Variants in FKBP4 observed in about 807,000 individuals in gnomAD.
FKBP4 encodes FKBP prolyl isomerase 4.
Under a neutral mutation model 54.1 loss-of-function variants are expected in FKBP4, and 28 were observed. That is an observed-to-expected ratio of 0.52 (90% CI 0.38 to 0.71). FKBP4 has a LOEUF of 0.71. Ranked by LOEUF, FKBP4 falls within the 30% of genes least tolerant of loss-of-function variation. The pLI is 0.00. For synonymous variants in FKBP4, 223 were observed against 216.1 expected, an observed-to-expected ratio of 1.03 and a Z score of -0.28; for missense variants, 493 against 574.4, an observed-to-expected ratio of 0.86 and a Z score of 1.45.
At position 2,795,022 on chromosome 12, in the gene FKBP4, C is replaced by A; in HGVS notation, c.-118C>A. ...GAGGTGCTCAAGCCTCCTCGCGGTC[C>A]GCAGTCAGTGCCGCCGCGCCCGGCC... On this transcript the variant is annotated 5_prime_UTR_variant, in exon 1 of 10. Transcript: ENST00000001008. The surrounding 1 kb of genome is among the most constrained non-coding windows in gnomAD (Gnocchi z 4.3). 1 of 469,238 alleles carries A rather than the reference C, an allele frequency of 2.1e-6. No individual in the cohort carries two copies. The highest frequency in any genetic ancestry group is 3.3e-6 in the Non-Finnish European group (1 of 304,612). 29.1% of individuals were successfully genotyped at this position (469,238 alleles called of 1,614,324 possible). A position where few individuals can be genotyped will look rare whatever the true frequency, so the allele number is the denominator to read the frequency against.
At chr12:2,801,723 C>A in intron 9 of FKBP4, 1 of 383,274 alleles carries the variant, frequency 2.6e-6, no homozygotes, top group Non-Finnish European at 5.1e-6. Context: ...CACTGCACCC[C>A]AGCCTGAGTG....
intron 9 of FKBP4, chr12:2,801,854 C>T (rs986787943): frequency 7.1e-6 from 2 of 280,916 alleles, no homozygotes; most frequent in East Asian, 9.3e-5. Flanking sequence ...CTGCCTCCCC[C>T]ACCAGAAGCA....
In FKBP4 at chr12:2,805,186, A is replaced by G. The variant is rs753181144; in HGVS notation, c.*1928A>G. 4.4e-6 allele frequency: 2 copies of G among 456,084 alleles called. No individual in the cohort carries two copies. The highest frequency in any genetic ancestry group is 3.1e-5 in the South Asian group (2 of 64,564). 28.3% of individuals were successfully genotyped at this position (456,084 alleles called of 1,614,324 possible). A position where few individuals can be genotyped will look rare whatever the true frequency, so the allele number is the denominator to read the frequency against. ...TTTACAGATAAGAAAACCAAGACTCAGAAGTTAAATGGAAAGGTGAGGTCT... is the reference window on the plus strand; with the variant it reads ...TTTACAGATAAGAAAACCAAGACTCGGAAGTTAAATGGAAAGGTGAGGTCT... On this transcript the variant is annotated 3_prime_UTR_variant, in exon 10 of 10. Transcript: ENST00000001008.
rs1051173374 is a variant in FKBP4 at position 2,795,165 on chromosome 12, C to A, written c.26C>A (p.Thr9Asn). MTAEEMKATESGAQSAPLP... is the reference protein window; with the variant it reads MTAEEMKANESGAQSAPLP... The stretch of plus-strand genomic sequence containing the variant: ...ATGACAGCCGAGGAGATGAAGGCGA[C>A]CGAGAGCGGGGCGCAGTCGGCGCCG... The change falls in exon 1 of 10, where the codon ACC becomes AAC. Residue 9 changes from threonine to asparagine, a missense_variant. Physicochemically the swap from Thr to Asn is moderately conservative, Grantham distance 65. Transcript: ENST00000001008. The surrounding 1 kb of genome is among the most constrained non-coding windows in gnomAD (Gnocchi z 4.3). 14 of 1,314,114 alleles carry A rather than the reference C, an allele frequency of 1.1e-5. No homozygotes were observed. Among genetic ancestry groups the A allele is most frequent in the African/African-American group, 1.5e-5 (1 of 65,976 alleles). 81.4% of individuals were successfully genotyped at this position (1,314,114 alleles called of 1,614,324 possible). A position where few individuals can be genotyped will look rare whatever the true frequency, so the allele number is the denominator to read the frequency against.
chr12:2,795,886 C>T lies in FKBP4; in HGVS notation c.105+642C>T, dbSNP rs1161344376. On this transcript the variant is annotated intron_variant, in intron 1 of 9. Transcript: ENST00000001008. This position sits in a 1 kb window ranked among gnomAD's most constrained non-coding sequence, Gnocchi z 4.3. ...CGCCGCGCGGCGCCCCCTCCCTCGG[C>T]CCCGGGGAGGCCGGGCGCGGGGCAT... 1.5e-5 allele frequency: 14 copies of T among 942,244 alleles called. No homozygotes were observed. The highest frequency in any genetic ancestry group is 6.1e-5 in the Admixed American group (1 of 16,464). 58.4% of individuals were successfully genotyped at this position (942,244 alleles called of 1,614,324 possible).
At position 2,803,625 on chromosome 12, in the gene FKBP4, C is replaced by T; in HGVS notation, c.*367C>T. The T allele has an allele frequency of 5.5e-6, 1 of 181,450 alleles. No homozygotes were observed. Among genetic ancestry groups the T allele is most frequent in the Non-Finnish European group, 1.2e-5 (1 of 84,386 alleles). The allele number at this position is 181,450 out of a possible 1,614,324, so 11.2% of individuals were successfully genotyped here. On this transcript the variant is annotated 3_prime_UTR_variant, in exon 10 of 10. Coordinates refer to ENST00000001008, the MANE Select transcript of FKBP4 (RefSeq NM_002014.4). Reference sequence around the variant, plus strand: ...CAGGGTGGAGAGGGAGACTCCTGGGCAGCCGTTTTCCTCATCCTTTCCCTC... The same window carrying T: ...CAGGGTGGAGAGGGAGACTCCTGGGTAGCCGTTTTCCTCATCCTTTCCCTC...
intron 1 of FKBP4, chr12:2,796,561 C>G (rs2097901978): frequency 8.4e-7 from 1 of 1,187,016 alleles, no homozygotes; most frequent in Non-Finnish European, 1.1e-6. Flanking sequence ...ACTCAGCTCC[C>G]AAGTCAGAGT....
intron 8 of FKBP4, among the ~76,000 whole-genome samples, chr12:2,800,852 C>G (rs1033517455): frequency 6.6e-6 from 1 of 152,234 alleles, no homozygotes; most frequent in Non-Finnish European, 1.5e-5. Flanking sequence ...CTCCGCTTAC[C>G]TACTTGCTTT....
In FKBP4 at chr12:2,798,650, G is replaced by A; in HGVS notation, c.394-56G>A. On this transcript the variant is annotated intron_variant, in intron 3 of 9. Coordinates refer to ENST00000001008, the MANE Select transcript of FKBP4 (RefSeq NM_002014.4). This position sits in a 1 kb window ranked among gnomAD's most constrained non-coding sequence, Gnocchi z 4.3. ...GACTCTCTCGGATGAGAAAGATTGTGTTTCACTGCCCATGAGTTAGCATGG... is the reference window on the plus strand; with the variant it reads ...GACTCTCTCGGATGAGAAAGATTGTATTTCACTGCCCATGAGTTAGCATGG... 3 of 1,610,432 alleles carry A rather than the reference G, an allele frequency of 1.9e-6. No homozygotes were observed. Among genetic ancestry groups the A allele is most frequent in the Non-Finnish European group, 2.5e-6 (3 of 1,178,614 alleles).
Position 2,795,999 on chromosome 12 carries a change from G to C in FKBP4, c.105+755G>C. ...GGCGGGGAGGAGGCGCTCTGCTGTG[G>C]AGCCTGCCGCCGAGTGACCGCTCGA... On this transcript the variant is annotated intron_variant, in intron 1 of 9. Coordinates refer to ENST00000001008, the MANE Select transcript of FKBP4 (RefSeq NM_002014.4). This position sits in a 1 kb window ranked among gnomAD's most constrained non-coding sequence, Gnocchi z 4.3. 1 of 1,150,382 alleles carries C rather than the reference G, an allele frequency of 8.7e-7. No homozygotes were observed. The allele number at this position is 1,150,382 out of a possible 1,614,324, so 71.3% of individuals were successfully genotyped here. A position where few individuals can be genotyped will look rare whatever the true frequency, so the allele number is the denominator to read the frequency against.
Position 2,798,614 on chromosome 12 carries a change from CAGTT to C in FKBP4, c.394-88_394-85del. 2 of 1,591,440 alleles carry C rather than the reference CAGTT, an allele frequency of 1.3e-6. No homozygotes were observed. The highest frequency in any genetic ancestry group is 1.7e-5 in the Admixed American group (1 of 59,350). On this transcript the variant is annotated intron_variant, in intron 3 of 9. Coordinates refer to ENST00000001008, the MANE Select transcript of FKBP4 (RefSeq NM_002014.4). This position sits in a 1 kb window ranked among gnomAD's most constrained non-coding sequence, Gnocchi z 4.3. ...GCCCTTGTGGTCAGATCCGGCCTGGCAGTTAGTAGGGACTCTCTCGGATGAGAAA... is the reference window on the plus strand; with the variant it reads ...GCCCTTGTGGTCAGATCCGGCCTGGCAGTAGGGACTCTCTCGGATGAGAAA...
At position 2,802,450 on chromosome 12, in the gene FKBP4, C is replaced by G. The variant is rs549073903; in HGVS notation, c.1273-701C>G. ...CACCCAGCCAGTCTTAAACAGTGTTCTAAACCAGCACTGTCCAGTAGAAAT... is the reference window on the plus strand; with the variant it reads ...CACCCAGCCAGTCTTAAACAGTGTTGTAAACCAGCACTGTCCAGTAGAAAT... On this transcript the variant is annotated intron_variant, in intron 9 of 9. Transcript: ENST00000001008. Among the ~76,000 whole-genome samples the G allele has an allele frequency of 2.0e-4, 31 of 152,206 alleles. 1 individual carries two copies. In the South Asian group the frequency reaches 4.1e-3, roughly 20 times the overall value.
intron 1 of FKBP4, chr12:2,796,430 C>A (rs1337669581): frequency 7.8e-7 from 1 of 1,274,268 alleles, no homozygotes; most frequent in East Asian, 5.6e-5. Context: ...TCCTCAAAGC[C>A]CCTGTCTATT....
At chr12:2,800,288 G>A in intron 7 of FKBP4, 104 bp from the exon 8 acceptor site, 1 of 1,411,654 alleles carries the variant, frequency 7.1e-7, no homozygotes, top group Non-Finnish European at 9.7e-7. Context: ...GGGAAGGGTG[G>A]GAGCAGGAAC....
At chr12:2,801,493 C>A in intron 9 of FKBP4, 137 bp downstream of exon 9, 1 of 1,206,120 alleles carries the variant, frequency 8.3e-7, no homozygotes. Flanking sequence ...TTAAGGAGCA[C>A]GTGTTCCTGC....
At chr12:2,800,641 T>C in intron 8 of FKBP4, 64 bp downstream of exon 8, 2 of 1,474,574 alleles carry the variant, frequency 1.4e-6, no homozygotes, top group Non-Finnish European at 1.8e-6. Flanking sequence ...GCTGCCAGCA[T>C]GTCTGAAACT....
chr12:2,803,541 T>C lies in FKBP4; in HGVS notation c.*283T>C. 6.1e-6 allele frequency: 2 copies of C among 326,772 alleles called. No homozygotes were observed. The highest frequency in any genetic ancestry group is 8.8e-5 in the South Asian group (2 of 22,850). 20.2% of individuals were successfully genotyped at this position (326,772 alleles called of 1,614,324 possible). On this transcript the variant is annotated 3_prime_UTR_variant, in exon 10 of 10. Coordinates refer to ENST00000001008, the MANE Select transcript of FKBP4 (RefSeq NM_002014.4). Reference sequence around the variant, plus strand: ...TGTTAATTTATTTTGCTCCCTCTGTTAGGTCCATTTTCTAAGGGTAGAAGA... The same window carrying C: ...TGTTAATTTATTTTGCTCCCTCTGTCAGGTCCATTTTCTAAGGGTAGAAGA...
chr12:2,795,166 C>T lies in FKBP4; in HGVS notation c.27C>T (p.Thr9=), dbSNP rs756066500. 17 of 1,314,034 alleles carry T rather than the reference C, an allele frequency of 1.3e-5. No individual in the cohort carries two copies. Among genetic ancestry groups the T allele is most frequent in the South Asian group, 2.9e-5 (1 of 34,196 alleles). The allele number at this position is 1,314,034 out of a possible 1,614,324, so 81.4% of individuals were successfully genotyped here. Residue 9 remains threonine (T), a synonymous_variant, in exon 1 of 10, where the codon ACC becomes ACT. Coordinates refer to ENST00000001008, the MANE Select transcript of FKBP4 (RefSeq NM_002014.4). The surrounding 1 kb of genome is among the most constrained non-coding windows in gnomAD (Gnocchi z 4.3). Reference sequence around the variant, plus strand: ...TGACAGCCGAGGAGATGAAGGCGACCGAGAGCGGGGCGCAGTCGGCGCCGC... The same window carrying T: ...TGACAGCCGAGGAGATGAAGGCGACTGAGAGCGGGGCGCAGTCGGCGCCGC... MTAEEMKA[T]ESGAQSAPLP...
At chr12:2,799,286 C>T (rs916464391) in intron 5 of FKBP4, 42 bp downstream of exon 5, 1 of 1,461,926 alleles carries the variant, frequency 6.8e-7, no homozygotes, top group African/African-American at 1.4e-5. Context: ...GCAGGCAAAC[C>T]AAGATCAAAG....
Sources: gnomAD v4.1 joint callset for allele counts (sites outside exome capture counted in the v4.1 genomes callset) on GRCh38, gnomAD v4.1.1 for gene constraint, Gnocchi (gnomAD v3.1) non-coding constraint, MANE v1.5 for transcripts, NCBI Gene and HGNC (gene_info 2026-07-23, HGNC 2026-07-21) for gene names.